MIA2: variants seen among roughly 807,000 people sequenced by gnomAD.
MIA2 encodes the protein MIA SH3 domain ER export factor 2.
Under a neutral mutation model 167.8 loss-of-function variants are expected in MIA2, and 127 were observed. The observed-to-expected ratio is 0.76, with a 90% confidence interval of 0.66 to 0.88. MIA2 has a LOEUF of 0.88. Among genes scored for constraint, MIA2 ranks in the 40% least tolerant of loss-of-function variants. The pLI is 0.00. For missense variants in MIA2, 1,690 were observed against 1,624.7 expected (o/e 1.04, Z -0.69); for synonymous variants, 552 against 541.9 (o/e 1.02, Z -0.26).
At position 39,233,982 on chromosome 14, in the gene MIA2, ATT is replaced by A. The variant is rs1315792688; in HGVS notation, c.-129_-128del. ...GATAGAAAAAGGTAGTTATCAAGAG[ATT>A]TTTAAAACTTCAACCCTTTTTCTCT... On this transcript the variant is annotated 5_prime_UTR_variant, in exon 1 of 29. Coordinates refer to ENST00000640607, the MANE Select transcript of MIA2 (RefSeq NM_001329214.4). 5.9e-6 allele frequency: 3 copies of A among 506,816 alleles called. No homozygotes were observed. 31.4% of individuals were successfully genotyped at this position (506,816 alleles called of 1,614,324 possible). A position where few individuals can be genotyped will look rare whatever the true frequency, so the allele number is the denominator to read the frequency against.
intron 6 of MIA2, among the ~76,000 whole-genome samples, chr14:39,270,440 C>T (rs2056941982): frequency 1.3e-5 from 2 of 151,970 alleles, no homozygotes; most frequent in East Asian, 1.9e-4. Flanking sequence ...ACCTTGTGAT[C>T]CACCCGCCTC....
chr14:39,299,786 A>G, intron 13 of MIA2, 78 bp from the exon 14 acceptor site: 1 of 1,451,798 alleles, frequency 6.9e-7, no homozygotes, highest in Non-Finnish European at 9.1e-7. Context: ...TTTTTTAAGT[A>G]GCTACATAAT....
At chr14:39,360,377 G>A (rs1343218706) in intron 23 of MIA2, among the ~76,000 whole-genome samples, 1 of 151,956 alleles carries the variant, frequency 6.6e-6, no homozygotes, top group East Asian at 1.9e-4. Flanking sequence ...AGTGAGGTTG[G>A]ACATTGTTTC....
Position 39,332,638 on chromosome 14 carries a change from G to A in MIA2, c.3655+5616G>A, listed in dbSNP as rs183585032. Among the ~76,000 whole-genome samples, 85 of 152,054 alleles carry A rather than the reference G, an allele frequency of 5.6e-4. 1 individual carries two copies. The highest frequency in any genetic ancestry group is 2.0e-3 in the African/African-American group (81 of 41,500). Reference sequence around the variant, plus strand: ...ATGGAGTTTTTGCTTGGTCCTTCACGGCACAGTCCCTCATGGCTTCTCTTG... The same window carrying A: ...ATGGAGTTTTTGCTTGGTCCTTCACAGCACAGTCCCTCATGGCTTCTCTTG... On this transcript the variant is annotated intron_variant, in intron 25 of 28. Transcript: ENST00000640607.
At position 39,320,966 on chromosome 14, in the gene MIA2, TC is replaced by T; in HGVS notation, c.3407del (p.Ser1136TyrfsTer55). ...PYGPSPLGWP[S>X]SETRAFLSPP... ...TGGTCCCTCACCATTGGGTTGGCCT[TC>T]ATCTGAAACAAGAGCTTTTCTCTCT... On this transcript the variant is annotated frameshift_variant, in exon 24 of 29. Transcript: ENST00000640607. LOFTEE classifies it high-confidence loss of function. The T allele has an allele frequency of 3.7e-6, 6 of 1,613,794 alleles. No individual in the cohort carries two copies. Among genetic ancestry groups the T allele is most frequent in the Non-Finnish European group, 4.2e-6 (5 of 1,179,766 alleles).
rs71435638 is a variant in MIA2, at chr14:39,297,666, C to CGTGTGTGTGTGTGTGTGTGTGT, written c.2497-2187_2497-2166dup. On this transcript the variant is annotated intron_variant, in intron 13 of 28. Transcript: ENST00000640607. ...CAAAGAATGACCCTGTAGGGTTTTG[C>CGTGTGTGTGTGTGTGTGTGTGT]GTGTGTGTGTGTGTGTGTGTGTGTG... Among the ~76,000 whole-genome samples the CGTGTGTGTGTGTGTGTGTGTGT allele has an allele frequency of 1.2e-3, 163 of 140,164 alleles. 1 individual carries two copies. The highest frequency in any genetic ancestry group is 2.3e-3 in the African/African-American group (87 of 37,136). 92.0% of individuals were successfully genotyped at this position (140,164 alleles called of 152,430 possible).
At chr14:39,267,004 A>C in intron 6 of MIA2, 1 of 904,026 alleles carries the variant, frequency 1.1e-6, no homozygotes, top group Non-Finnish European at 1.3e-6. Flanking sequence ...TCTAGTCCCA[A>C]GCCTCTCCAC....
chr14:39,234,926 T>C, intron 1 of MIA2, among the ~76,000 whole-genome samples: 1 of 152,132 alleles, frequency 6.6e-6, no homozygotes, highest in Admixed American at 6.5e-5. Context: ...TCCCAATATA[T>C]TAGAGTTGCT....
chr14:39,274,186 T>C (rs1172730505), intron 6 of MIA2, among the ~76,000 whole-genome samples: 2 of 152,222 alleles, frequency 1.3e-5, no homozygotes, highest in African/African-American at 4.8e-5. Flanking sequence ...TATGGAGGGT[T>C]ACTCTTGGAG....
In MIA2 at chr14:39,247,436, C is replaced by A; in HGVS notation, c.862C>A (p.Pro288Thr). The change falls in exon 4 of 29, where the codon CCA becomes ACA. Residue 288 changes from proline (P) to threonine (T), a missense_variant. By Grantham distance (38) the Pro-to-Thr change is conservative. Transcript: ENST00000640607. Reference sequence around the variant, plus strand: ...ATCTGAATCAGAAATTGATTCAGTGCCAAAGACACAGTCTGAACTAGCATC... The same window carrying A: ...ATCTGAATCAGAAATTGATTCAGTGACAAAGACACAGTCTGAACTAGCATC... The part of the protein sequence containing the change: ...QESESEIDSV[P>T]KTQSELASES... 1 of 1,613,952 alleles carries A rather than the reference C, an allele frequency of 6.2e-7. No individual in the cohort carries two copies. The highest frequency in any genetic ancestry group is 8.5e-7 in the Non-Finnish European group (1 of 1,179,954).
intron 23 of MIA2, among the ~76,000 whole-genome samples, chr14:39,319,690 A>G (rs1203398162): frequency 2.0e-5 from 3 of 152,198 alleles, no homozygotes; most frequent in Admixed American, 1.3e-4. Flanking sequence ...TGCTTGTTTA[A>G]TAATTAAAAA....
At chr14:39,277,970 TA>T (rs1445799627) in intron 7 of MIA2, among the ~76,000 whole-genome samples, 1 of 151,022 alleles carries the variant, frequency 6.6e-6, no homozygotes, top group Non-Finnish European at 1.5e-5. Context: ...ATCTTTTTTT[TA>T]ATTCTGGGAA....
chr14:39,316,292 G>T (rs544417903), intron 21 of MIA2, among the ~76,000 whole-genome samples: 1 of 152,326 alleles, frequency 6.6e-6, no homozygotes, highest in Non-Finnish European at 1.5e-5. Context: ...TAACATATAG[G>T]ACTGTTGTAG....
At chr14:39,305,183 A>C (rs2063137656) in intron 17 of MIA2, among the ~76,000 whole-genome samples, 1 of 152,240 alleles carries the variant, frequency 6.6e-6, no homozygotes, top group Admixed American at 6.5e-5. Context: ...TTATTAAAAA[A>C]TTATATCCCT....
At chr14:39,365,746 G>T (rs181092464) in intron 23 of MIA2, among the ~76,000 whole-genome samples, 2 of 151,154 alleles carry the variant, frequency 1.3e-5, no homozygotes, top group African/African-American at 4.9e-5. Flanking sequence ...TCTTTGTATT[G>T]TTCATCTGTG....
At chr14:39,386,677 C>T in intron 23 of MIA2, 1 of 1,126,386 alleles carries the variant, frequency 8.9e-7, no homozygotes. Flanking sequence ...AAGACCTTCT[C>T]ATTATTGTTA....
intron 23 of MIA2, 95 bp from the exon 24 acceptor site, chr14:39,320,833 G>C: frequency 7.4e-7 from 1 of 1,357,838 alleles, no homozygotes; most frequent in Non-Finnish European, 1.0e-6. Context: ...ATTGGCAATA[G>C]GATGACCTGA....
intron 21 of MIA2, among the ~76,000 whole-genome samples, chr14:39,316,318 G>A (rs1363251657): frequency 6.6e-6 from 1 of 152,196 alleles, no homozygotes; most frequent in African/African-American, 2.4e-5. Context: ...GGCCTTTGGA[G>A]TACTTGTCAC....
At position 39,240,465 on chromosome 14, in the gene MIA2, T is replaced by C. The variant is rs999346387; in HGVS notation, c.250-96T>C. On this transcript the variant is annotated intron_variant, in intron 2 of 28. Transcript: ENST00000640607. ...GTCGAGTAATGTTTGCGATTCAGAG[T>C]AGATGAAAGCCAAGGACATGGGACA... is the stretch of plus-strand genomic sequence containing the variant. 3.9e-6 allele frequency: 3 copies of C among 760,976 alleles called. No homozygotes were observed. The Admixed American group carries it at 6.7e-5, about 17-fold the overall frequency. The allele number at this position is 760,976 out of a possible 1,614,324, so 47.1% of individuals were successfully genotyped here. A position where few individuals can be genotyped will look rare whatever the true frequency, so the allele number is the denominator to read the frequency against.
Sources: gnomAD v4.1 joint callset for allele counts (sites outside exome capture counted in the v4.1 genomes callset) on GRCh38, gnomAD v4.1.1 for gene constraint, MANE v1.5 for transcripts, NCBI Gene and HGNC (gene_info 2026-07-23, HGNC 2026-07-21) for gene names.